The following GMDS variants were observed in gnomAD, a reference collection of about 807,000 sequenced individuals.
GMDS encodes GDP-mannose 4,6 dehydratase.
GMDS carries 20 observed loss-of-function variants against 49.9 expected under a neutral mutation model. The observed-to-expected ratio is 0.40, with a 90% CI of 0.28 to 0.58. The LOEUF is 0.58. GMDS is among the 20% of genes least tolerant of loss of function. GMDS has a pLI of 0.42. For missense variants in GMDS, 362 were observed against 481.4 expected (o/e 0.75, Z 2.32); for synonymous variants, 177 against 178.6 (o/e 0.99, Z 0.07).
intron 7 of GMDS, among the ~76,000 whole-genome samples, chr6:1,919,444 C>A (rs916849901): frequency 1.3e-5 from 2 of 152,204 alleles, no homozygotes; most frequent in African/African-American, 4.8e-5. Flanking sequence ...AATGTAAAGA[C>A]AATTTCTCAA....
intron 1 of GMDS, among the ~76,000 whole-genome samples, chr6:2,240,312 T>C (rs1265322076): frequency 6.6e-6 from 1 of 152,208 alleles, no homozygotes. Context: ...TATTATTCTG[T>C]TAACACTATG....
intron 9 of GMDS, among the ~76,000 whole-genome samples, chr6:1,670,492 A>G (rs952286134): frequency 6.6e-6 from 1 of 152,016 alleles, no homozygotes; most frequent in African/African-American, 2.4e-5. Flanking sequence ...ACGGTAACTA[A>G]TGCTGAGTTT....
intron 7 of GMDS, among the ~76,000 whole-genome samples, chr6:1,748,737 A>G (rs1767610205): frequency 6.6e-6 from 1 of 152,266 alleles, no homozygotes; most frequent in African/African-American, 2.4e-5. Flanking sequence ...TAAAACAGTT[A>G]CAGGGCCCAT....
chr6:2,245,216 G>C lies in GMDS; in HGVS notation c.102+105C>G, dbSNP rs1312790809. 4 of 788,378 alleles carry C rather than the reference G, an allele frequency of 5.1e-6. No individual in the cohort carries two copies. In the South Asian group the frequency reaches 5.9e-5, roughly 12 times the overall value. 48.8% of individuals were successfully genotyped at this position (788,378 alleles called of 1,614,324 possible). A position where few individuals can be genotyped will look rare whatever the true frequency, so the allele number is the denominator to read the frequency against. ...GGCAGCAGACCCCTTCCGGGACGCC[G>C]AGAGGGCTGTTCCTGGAGAGACCGC... is the stretch of plus-strand genomic sequence containing the variant. On this transcript the variant is annotated intron_variant, in intron 1 of 10. Coordinates refer to ENST00000380815, the MANE Select transcript of GMDS (RefSeq NM_001500.4).
chr6:2,192,032 T>C (rs932973151), intron 1 of GMDS, among the ~76,000 whole-genome samples: 2 of 152,194 alleles, frequency 1.3e-5, no homozygotes, highest in Admixed American at 1.3e-4. Context: ...GGGCAGGGGA[T>C]GGGGAGAAGA....
intron 4 of GMDS, among the ~76,000 whole-genome samples, chr6:2,027,074 A>G (rs115309842): frequency 5.7e-4 from 87 of 152,310 alleles, no homozygotes; most frequent in Non-Finnish European, 7.6e-4. Context: ...GGAACCAGAG[A>G]ATATAGTTTG....
At chr6:1,989,138 T>A (rs537314307) in intron 4 of GMDS, among the ~76,000 whole-genome samples, 287 of 152,320 alleles carry the variant, frequency 1.9e-3, no homozygotes, top group African/African-American at 6.4e-3. Flanking sequence ...CATGGGGGTA[T>A]GGGAATTTAG....
intron 7 of GMDS, among the ~76,000 whole-genome samples, chr6:1,789,297 T>C (rs747898075): frequency 3.3e-5 from 5 of 152,166 alleles, no homozygotes. Flanking sequence ...GGCCGTATGC[T>C]GACCTCACTT....
intron 4 of GMDS, among the ~76,000 whole-genome samples, chr6:1,998,380 GA>G (rs1318027306): frequency 6.6e-5 from 10 of 151,794 alleles, no homozygotes; most frequent in African/African-American, 1.9e-4. Flanking sequence ...TCCCTAGTAA[GA>G]AATAAGGAAA....
At chr6:1,897,038 G>A (rs894546962) in intron 7 of GMDS, among the ~76,000 whole-genome samples, 7 of 152,152 alleles carry the variant, frequency 4.6e-5, no homozygotes, top group East Asian at 1.9e-4. Context: ...TGGGAGATTC[G>A]GGAGGAGCAG....
At chr6:1,974,560 T>C (rs550336143) in intron 4 of GMDS, among the ~76,000 whole-genome samples, 1 of 152,244 alleles carries the variant, frequency 6.6e-6, no homozygotes, top group South Asian at 2.1e-4. Context: ...CTCAAACTGA[T>C]GTTTGAGACA....
chr6:2,090,228 CA>C (rs1449136232), intron 4 of GMDS, among the ~76,000 whole-genome samples: 2 of 152,016 alleles, frequency 1.3e-5, no homozygotes, highest in Admixed American at 6.6e-5. Context: ...GGATGTGAAA[CA>C]AAACAATAAA....
At chr6:2,164,767 A>C (rs1465807221) in intron 1 of GMDS, among the ~76,000 whole-genome samples, 1 of 152,204 alleles carries the variant, frequency 6.6e-6, no homozygotes, top group African/African-American at 2.4e-5. Flanking sequence ...CCTGCAACTA[A>C]TACAACTTAA....
At chr6:1,734,855 T>A (rs1766946989) in intron 8 of GMDS, among the ~76,000 whole-genome samples, 1 of 152,238 alleles carries the variant, frequency 6.6e-6, no homozygotes, top group South Asian at 2.1e-4. Flanking sequence ...AGAGATCAAA[T>A]AATAATAATG....
chr6:1,961,533 T>C (rs1763944404), intron 4 of GMDS, among the ~76,000 whole-genome samples: 1 of 152,244 alleles, frequency 6.6e-6, no homozygotes, highest in Admixed American at 6.5e-5. Flanking sequence ...GATGCTAATG[T>C]ATATATGAAC....
intron 1 of GMDS, among the ~76,000 whole-genome samples, chr6:2,208,303 T>C (rs1338313115): frequency 6.6e-6 from 1 of 152,022 alleles, no homozygotes; most frequent in African/African-American, 2.4e-5. Context: ...AGGAGACTTG[T>C]TCTGTTACCA....
chr6:1,714,297 C>T (rs983732627), intron 9 of GMDS, among the ~76,000 whole-genome samples: 27 of 152,108 alleles, frequency 1.8e-4, no homozygotes, highest in Admixed American at 2.6e-4. Flanking sequence ...GGATTACAGG[C>T]GTGAGCCACT....
intron 7 of GMDS, among the ~76,000 whole-genome samples, chr6:1,889,827 T>C (rs971400288): frequency 2.0e-5 from 3 of 152,198 alleles, no homozygotes; most frequent in African/African-American, 7.2e-5. Context: ...CTATGGATTC[T>C]TGTGTTCTGG....
chr6:1,664,640 C>G (rs1764184135), intron 9 of GMDS, among the ~76,000 whole-genome samples: 1 of 152,300 alleles, frequency 6.6e-6, no homozygotes, highest in South Asian at 2.1e-4. Flanking sequence ...TACTGTGTCA[C>G]TCTGTCACAT....
Sources: gnomAD v4.1 joint callset for allele counts (sites outside exome capture counted in the v4.1 genomes callset) on GRCh38, gnomAD v4.1.1 for gene constraint, MANE v1.5 for transcripts, NCBI Gene and HGNC (gene_info 2026-07-23, HGNC 2026-07-21) for gene names.